The following STXBP5 variants were observed in gnomAD, a reference collection of about 807,000 sequenced individuals.
STXBP5 encodes syntaxin binding protein 5.
Under a neutral mutation model 152.4 loss-of-function variants are expected in STXBP5, and 50 were observed. The observed-to-expected ratio is 0.33, with a 90% CI of 0.26 to 0.42. STXBP5 has a LOEUF of 0.42. Among genes scored for constraint, STXBP5 ranks in the 10% least tolerant of loss-of-function variants. The pLI, the probability that STXBP5 is intolerant of heterozygous loss-of-function variation, is 1.00. For synonymous variants in STXBP5, 492 were observed against 494.7 expected (o/e 0.99, Z 0.07); for missense variants, 1,167 against 1,388.6 (o/e 0.84, Z 2.54).
chr6:147,320,980 A>T (rs2128380707), intron 16 of STXBP5, among the ~76,000 whole-genome samples: 1 of 152,318 alleles, frequency 6.6e-6, no homozygotes, highest in South Asian at 2.1e-4. Flanking sequence ...GTATTACCTT[A>T]CTAAAGGACC....
At chr6:147,367,725 A>G (rs979356474) in intron 25 of STXBP5, among the ~76,000 whole-genome samples, 4 of 152,120 alleles carry the variant, frequency 2.6e-5, no homozygotes, top group East Asian at 3.8e-4. Context: ...AGTGGAAAAC[A>G]AAGAAACAAT....
intron 4 of STXBP5, among the ~76,000 whole-genome samples, chr6:147,258,623 C>T (rs1316030168): frequency 1.3e-5 from 2 of 151,972 alleles, no homozygotes; most frequent in South Asian, 2.1e-4. Context: ...TTAATAGAGA[C>T]GGGGTTTCAC....
chr6:147,267,318 A>G (rs984377614), intron 7 of STXBP5, 151 bp downstream of exon 7: 7 of 580,484 alleles, frequency 1.2e-5, no homozygotes, highest in African/African-American at 1.9e-5. Flanking sequence ...TGTTCACACA[A>G]TTCAAAAGAT....
intron 4 of STXBP5, among the ~76,000 whole-genome samples, chr6:147,244,547 T>C (rs552065703): frequency 5.4e-4 from 83 of 152,362 alleles, no homozygotes; most frequent in African/African-American, 1.7e-3. Flanking sequence ...AATGTTTTTA[T>C]TAATGAATGG....
chr6:147,304,235 G>A (rs1430424742), intron 9 of STXBP5, among the ~76,000 whole-genome samples: 1 of 152,198 alleles, frequency 6.6e-6, no homozygotes, highest in Admixed American at 6.5e-5. Flanking sequence ...GCTTTGTGCA[G>A]TCTCTGGACT....
chr6:147,377,133 ATAACT>A (rs1785849360), intron 26 of STXBP5, among the ~76,000 whole-genome samples: 1 of 152,200 alleles, frequency 6.6e-6, no homozygotes, highest in Non-Finnish European at 1.5e-5. Context: ...AAGAGTTAAA[ATAACT>A]TTAGTGTATA....
At chr6:147,300,173 G>A (rs1414030346) in intron 9 of STXBP5, among the ~76,000 whole-genome samples, 1 of 151,948 alleles carries the variant, frequency 6.6e-6, no homozygotes, top group East Asian at 1.9e-4. Flanking sequence ...ACAAATGGAA[G>A]TGTATCTTTT....
intron 4 of STXBP5, among the ~76,000 whole-genome samples, chr6:147,240,513 ATTCTT>A (rs1778489705): frequency 6.6e-6 from 1 of 152,244 alleles, no homozygotes; most frequent in Non-Finnish European, 1.5e-5. Context: ...GAAGTACTTG[ATTCTT>A]TTATTTTAAT....
intron 19 of STXBP5, among the ~76,000 whole-genome samples, chr6:147,336,850 A>G (rs2128395291): frequency 1.3e-5 from 2 of 152,240 alleles, no homozygotes; most frequent in Admixed American, 1.3e-4. Flanking sequence ...TAATTCATAT[A>G]TGAAGGGAAA....
chr6:147,316,949 G>A (rs529205227), intron 16 of STXBP5, among the ~76,000 whole-genome samples: 4 of 152,260 alleles, frequency 2.6e-5, no homozygotes, highest in Admixed American at 6.5e-5. Context: ...TTATTATTGA[G>A]TGGTTAAAAT....
At chr6:147,369,196 A>G (rs988886023) in intron 25 of STXBP5, among the ~76,000 whole-genome samples, 4 of 152,062 alleles carry the variant, frequency 2.6e-5, no homozygotes, top group Non-Finnish European at 5.9e-5. Context: ...TTTTTAAGGA[A>G]GGCGCAAGGC....
In STXBP5 at chr6:147,320,565, G is replaced by GTC. The variant is rs1452614785; in HGVS notation, c.1802+4159_1802+4160insCT. Among the ~76,000 whole-genome samples the GTC allele has an allele frequency of 1.5e-3, 167 of 108,472 alleles. 1 individual carries two copies. The highest frequency in any genetic ancestry group is 7.9e-3 in the African/African-American group (159 of 20,254). 71.2% of individuals were successfully genotyped at this position (108,472 alleles called of 152,430 possible). A position where few individuals can be genotyped will look rare whatever the true frequency, so the allele number is the denominator to read the frequency against. The stretch of plus-strand genomic sequence containing the variant: ...CCTGCTAATTTGAGTGTGTGTGTGT[G>GTC]TGTGTGTGTGTGTGTGTGTGTGTGT... On this transcript the variant is annotated intron_variant, in intron 16 of 27. Transcript: ENST00000321680.
intron 18 of STXBP5, among the ~76,000 whole-genome samples, chr6:147,328,295 A>G (rs540636135): frequency 2.0e-5 from 3 of 152,190 alleles, no homozygotes; most frequent in East Asian, 3.8e-4. Flanking sequence ...GTCCTGCCCA[A>G]CTGGACCAGA....
chr6:147,204,629 C>G lies in STXBP5; in HGVS notation c.97C>G (p.Arg33Gly). 1.2e-6 allele frequency: 2 copies of G among 1,610,400 alleles called. No individual in the cohort carries two copies. Among genetic ancestry groups the G allele is most frequent in the South Asian group, 1.1e-5 (1 of 90,916 alleles). ...ACAGCAGCAGCATCCGCCTGGGAACCGGGAGCCGGAGATCCAGGAAACGCT... is the reference window on the plus strand; with the variant it reads ...ACAGCAGCAGCATCCGCCTGGGAACGGGGAGCCGGAGATCCAGGAAACGCT... The part of the protein sequence containing the change: ...QQQQQHPPGN[R>G]EPEIQETLQS... The change falls in exon 1 of 28, where the codon CGG (arginine) becomes GGG (glycine). Residue 33 changes from arginine (R) to glycine (G), a missense_variant. Arg to Gly is a moderately radical substitution (Grantham distance 125, BLOSUM62 -2). This residue lies in a region of STXBP5 where 310 missense variants were observed against 346.1 expected (regional missense o/e 0.90). Coordinates refer to ENST00000321680, the MANE Select transcript of STXBP5 (RefSeq NM_001127715.4). The surrounding 1 kb of genome is among the most constrained non-coding windows in gnomAD (Gnocchi z 4.3).
intron 11 of STXBP5, 34 bp downstream of exon 11, chr6:147,311,561 G>T (rs763646221): frequency 1.3e-6 from 2 of 1,520,676 alleles, no homozygotes; most frequent in Non-Finnish European, 1.8e-6. Context: ...GATTCTATCA[G>T]TATGTGGTTG....
chr6:147,290,184 GGC>G (rs764973177), intron 8 of STXBP5, among the ~76,000 whole-genome samples: 33 of 152,064 alleles, frequency 2.2e-4, no homozygotes, highest in Non-Finnish European at 3.8e-4. Flanking sequence ...CTCCATCCTG[GGC>G]TACAGGAGTG....
intron 10 of STXBP5, among the ~76,000 whole-genome samples, chr6:147,310,849 C>G (rs1370831324): frequency 2.6e-5 from 4 of 152,046 alleles, no homozygotes; most frequent in African/African-American, 7.2e-5. Context: ...AAATGCTAAT[C>G]ACATCTGAAT....
At chr6:147,205,371 C>T (rs1434271008) in intron 1 of STXBP5, among the ~76,000 whole-genome samples, 7 of 141,858 alleles carry the variant, frequency 4.9e-5, no homozygotes, top group Non-Finnish European at 7.7e-5. Flanking sequence ...TAAAAGTGTG[C>T]ATATATATAT....
At chr6:147,316,156 T>C (rs908273659) in intron 15 of STXBP5, 73 bp from the exon 16 acceptor site, 1 of 1,389,168 alleles carries the variant, frequency 7.2e-7, no homozygotes, top group Non-Finnish European at 1.0e-6. Context: ...AGTGTGTGTG[T>C]ATGTGTGTAT....
Sources: allele counts gnomAD v4.1 joint callset (sites outside exome capture counted in the v4.1 genomes callset), GRCh38; gene constraint gnomAD v4.1.1; regional missense constraint gnomAD v4.1.1; non-coding constraint Gnocchi (gnomAD v3.1); transcripts MANE v1.5; gene names NCBI Gene and HGNC (gene_info 2026-07-23, HGNC 2026-07-21).